The following MCUB variants were observed in gnomAD, a reference collection of about 807,000 sequenced individuals.
MCUB encodes the protein mitochondrial calcium uniporter dominant negative subunit beta, also known as calcium uniporter regulatory subunit MCUb, mitochondrial.
A neutral mutation model predicts 41.4 loss-of-function variants in MCUB; 46 were observed. That is an observed-to-expected ratio of 1.11 (90% CI 0.88 to 1.42). MCUB has a LOEUF of 1.42. MCUB is among the 40% of genes most tolerant of loss of function. The pLI is 0.00. For missense variants in MCUB, 403 were observed against 404.9 expected (o/e 1.00, Z 0.04); for synonymous variants, 148 against 148.2 (o/e 1.00, Z 0.01).
chr4:109,679,110 C>T (rs937461242), intron 4 of MCUB, among the ~76,000 whole-genome samples: 5 of 148,338 alleles, frequency 3.4e-5, no homozygotes, highest in African/African-American at 1.0e-4. Context: ...CAGAGGCACT[C>T]CTCACTTCCT....
At chr4:109,647,416 T>G (rs1414873684) in intron 1 of MCUB, among the ~76,000 whole-genome samples, 2 of 152,210 alleles carry the variant, frequency 1.3e-5, no homozygotes, top group Non-Finnish European at 2.9e-5. Context: ...CAAAATGTCA[T>G]GTAGTCGGAA....
intron 1 of MCUB, among the ~76,000 whole-genome samples, chr4:109,566,420 A>G (rs1410912140): frequency 6.6e-6 from 1 of 151,090 alleles, no homozygotes; most frequent in Non-Finnish European, 1.5e-5. Flanking sequence ...TAGTGAGCCG[A>G]GATCGCGCCA....
intron 4 of MCUB, among the ~76,000 whole-genome samples, chr4:109,671,197 A>G (rs1374673100): frequency 1.3e-5 from 2 of 152,158 alleles, no homozygotes; most frequent in African/African-American, 4.8e-5. Context: ...CAGACAGGAA[A>G]CTGGAAGTCT....
intron 1 of MCUB, among the ~76,000 whole-genome samples, chr4:109,598,600 G>C (rs1453842236): frequency 7.4e-6 from 1 of 134,550 alleles, no homozygotes; most frequent in Non-Finnish European, 1.8e-5. Flanking sequence ...CAGAGGGAGA[G>C]GGAGACGGTG....
intron 1 of MCUB, among the ~76,000 whole-genome samples, chr4:109,592,334 C>T (rs1242517640): frequency 5.9e-5 from 9 of 151,558 alleles, no homozygotes; most frequent in African/African-American, 9.7e-5. Context: ...TGCTTGAACC[C>T]GGGAGGTGGA....
intron 1 of MCUB, among the ~76,000 whole-genome samples, chr4:109,637,557 A>G (rs2126139545): frequency 6.6e-6 from 1 of 152,374 alleles, no homozygotes; most frequent in Admixed American, 6.5e-5. Flanking sequence ...CACACAATGG[A>G]ATATTACTCA....
chr4:109,687,082 TA>T, intron 7 of MCUB, among the ~76,000 whole-genome samples: 1 of 152,154 alleles, frequency 6.6e-6, no homozygotes, highest in South Asian at 2.1e-4. Flanking sequence ...GATCCACATA[TA>T]AAATTGAAAT....
intron 1 of MCUB, among the ~76,000 whole-genome samples, chr4:109,617,417 G>A (rs912732637): frequency 2.6e-5 from 4 of 152,154 alleles, no homozygotes; most frequent in Admixed American, 6.5e-5. Flanking sequence ...TTAGTGTGTC[G>A]GGGGTGGGAG....
intron 1 of MCUB, among the ~76,000 whole-genome samples, chr4:109,562,334 T>G (rs1726661574): frequency 6.6e-6 from 1 of 152,220 alleles, no homozygotes; most frequent in Non-Finnish European, 1.5e-5. Context: ...AAATTTTTGT[T>G]TTAAGCCAAC....
At chr4:109,618,287 A>G (rs1234901113) in intron 1 of MCUB, among the ~76,000 whole-genome samples, 5 of 152,166 alleles carry the variant, frequency 3.3e-5, no homozygotes, top group Non-Finnish European at 7.3e-5. Flanking sequence ...GGTTGAATAA[A>G]TGTTTCAGCC....
intron 1 of MCUB, among the ~76,000 whole-genome samples, chr4:109,625,013 G>A (rs1286974079): frequency 2.6e-5 from 4 of 152,088 alleles, no homozygotes; most frequent in Non-Finnish European, 4.4e-5. Context: ...GGTGGAGCAT[G>A]CCTGTAGTCT....
In MCUB at chr4:109,642,919, G is replaced by A. The variant is rs1319746328; in HGVS notation, c.100-16092G>A. On this transcript the variant is annotated intron_variant, in intron 1 of 7. Coordinates refer to ENST00000394650, the MANE Select transcript of MCUB (RefSeq NM_017918.5). ...TTTTTTTTTTTTTTTTTTTTGAGTT[G>A]GAGTCTTGCACCATCACCCGGGCTG... Among the ~76,000 whole-genome samples the A allele has an allele frequency of 1.5e-4, 18 of 123,772 alleles. No individual in the cohort carries two copies. The Admixed American group carries it at 1.5e-3, about 10-fold the overall frequency. The allele number at this position is 123,772 out of a possible 152,430, so 81.2% of individuals were successfully genotyped here. A position where few individuals can be genotyped will look rare whatever the true frequency, so the allele number is the denominator to read the frequency against.
intron 6 of MCUB, 162 bp downstream of exon 6, chr4:109,684,808 C>T: frequency 1.8e-6 from 1 of 544,194 alleles, no homozygotes. Flanking sequence ...AATGAAGACT[C>T]ACAACACAGA....
At chr4:109,641,557 G>T (rs1243171656) in intron 1 of MCUB, among the ~76,000 whole-genome samples, 1 of 152,202 alleles carries the variant, frequency 6.6e-6, no homozygotes, top group Admixed American at 6.5e-5. Context: ...GGATTACTAA[G>T]ATGTGACAGA....
intron 1 of MCUB, among the ~76,000 whole-genome samples, chr4:109,639,619 A>G (rs1178532827): frequency 1.3e-5 from 2 of 152,180 alleles, no homozygotes; most frequent in Non-Finnish European, 2.9e-5. Flanking sequence ...CCTGGGAGGT[A>G]GAACTTGCAG....
intron 1 of MCUB, among the ~76,000 whole-genome samples, chr4:109,597,907 C>A (rs538880420): frequency 6.8e-6 from 1 of 148,120 alleles, no homozygotes; most frequent in Non-Finnish European, 1.5e-5. Flanking sequence ...CGCTCCTCAC[C>A]TCCCAGACGG....
At chr4:109,686,481 A>G (rs1037824866) in intron 7 of MCUB, among the ~76,000 whole-genome samples, 3 of 152,206 alleles carry the variant, frequency 2.0e-5, no homozygotes, top group Admixed American at 6.5e-5. Flanking sequence ...TAGTCATTCT[A>G]TAGGAAAAAT....
chr4:109,670,281 C>T (rs1307407178), intron 4 of MCUB, among the ~76,000 whole-genome samples: 1 of 151,874 alleles, frequency 6.6e-6, no homozygotes, highest in Non-Finnish European at 1.5e-5. Flanking sequence ...TCCCCCACCC[C>T]CCACCACCTT....
intron 1 of MCUB, among the ~76,000 whole-genome samples, chr4:109,645,939 C>T (rs1031341012): frequency 6.6e-6 from 1 of 152,198 alleles, no homozygotes; most frequent in Non-Finnish European, 1.5e-5. Context: ...ACCTCTCACG[C>T]TATGCAAGTA....
Sources: gnomAD v4.1 joint callset for allele counts (sites outside exome capture counted in the v4.1 genomes callset) on GRCh38, gnomAD v4.1.1 for gene constraint, MANE v1.5 for transcripts, NCBI Gene and HGNC (gene_info 2026-07-23, HGNC 2026-07-21) for gene names.